CSRNP3: variants seen among roughly 807,000 people sequenced by gnomAD.
The protein encoded by CSRNP3 is cysteine/serine-rich nuclear protein 3.
A neutral mutation model predicts 48.0 loss-of-function variants in CSRNP3; 12 were observed. That is an observed-to-expected ratio of 0.25 (90% CI 0.16 to 0.41). The LOEUF is 0.41. Among genes scored for constraint, CSRNP3 ranks in the 10% least tolerant of loss-of-function variants. The probability of loss-of-function intolerance (pLI) is 1.00; values close to 1 mark genes in which losing one functional copy is unlikely to be tolerated. For synonymous variants in CSRNP3, 263 were observed against 269.7 expected (o/e 0.98, Z 0.24); for missense variants, 580 against 724.4 (o/e 0.80, Z 2.29).
intron 5 of CSRNP3, among the ~76,000 whole-genome samples, chr2:165,667,545 T>C (rs1687255784): frequency 6.6e-6 from 1 of 152,204 alleles, no homozygotes; most frequent in African/African-American, 2.4e-5. Flanking sequence ...TCAAGCTGTT[T>C]CATTGCCTCA....
intron 4 of CSRNP3, among the ~76,000 whole-genome samples, chr2:165,626,047 AC>A (rs1686429292): frequency 6.6e-6 from 1 of 151,744 alleles, no homozygotes; most frequent in Non-Finnish European, 1.5e-5. Context: ...ACCTGGTGAA[AC>A]CCTGTCTCTC....
At chr2:165,616,667 T>C (rs111513681) in intron 4 of CSRNP3, among the ~76,000 whole-genome samples, 3,451 of 152,316 alleles carry the variant, frequency 0.023, 140 homozygotes, top group African/African-American at 0.078. Flanking sequence ...GATGCTTTTC[T>C]GTTACTGTTT....
chr2:165,610,193 C>G (rs1456252203), intron 4 of CSRNP3, among the ~76,000 whole-genome samples: 1 of 152,192 alleles, frequency 6.6e-6, no homozygotes, highest in African/African-American at 2.4e-5. Flanking sequence ...CTACGTTAGT[C>G]TGACTGTGGG....
intron 2 of CSRNP3, among the ~76,000 whole-genome samples, chr2:165,498,589 A>G (rs902465825): frequency 6.6e-6 from 1 of 152,116 alleles, no homozygotes. Context: ...TTCCCAACAA[A>G]CTTCATTTAA....
At chr2:165,664,456 C>T (rs2105351326) in intron 5 of CSRNP3, among the ~76,000 whole-genome samples, 1 of 152,272 alleles carries the variant, frequency 6.6e-6, no homozygotes, top group East Asian at 1.9e-4. Context: ...CGAATTCTGC[C>T]CCATAAGTAC....
intron 4 of CSRNP3, among the ~76,000 whole-genome samples, chr2:165,604,069 A>G (rs1057291025): frequency 7.2e-5 from 11 of 152,224 alleles, no homozygotes; most frequent in African/African-American, 2.4e-4. Flanking sequence ...TCAATGAATG[A>G]GTGAATGGAT....
At chr2:165,578,098 A>T (rs972554617) in intron 3 of CSRNP3, among the ~76,000 whole-genome samples, 4 of 152,196 alleles carry the variant, frequency 2.6e-5, no homozygotes, top group East Asian at 1.9e-4. Context: ...AGTCTCTAAC[A>T]GGTATACAAA....
chr2:165,492,867 A>G (rs1684236637), intron 1 of CSRNP3, among the ~76,000 whole-genome samples: 1 of 151,464 alleles, frequency 6.6e-6, no homozygotes, highest in South Asian at 2.1e-4. Flanking sequence ...CCTTAAACAA[A>G]TGACAGACAA....
At chr2:165,562,495 A>G (rs1257773378) in intron 3 of CSRNP3, among the ~76,000 whole-genome samples, 1 of 152,210 alleles carries the variant, frequency 6.6e-6, no homozygotes, top group East Asian at 1.9e-4. Context: ...TGTATGCAGT[A>G]TCTCCAGCTT....
intron 3 of CSRNP3, among the ~76,000 whole-genome samples, chr2:165,562,095 GT>G (rs750914134): frequency 4.6e-5 from 7 of 152,090 alleles, no homozygotes; most frequent in East Asian, 1.9e-4. Flanking sequence ...ATGTAAAAAT[GT>G]TTACAAAGGG....
chr2:165,531,131 C>T (rs1684806584), intron 3 of CSRNP3, among the ~76,000 whole-genome samples: 1 of 151,974 alleles, frequency 6.6e-6, no homozygotes, highest in South Asian at 2.1e-4. Context: ...TTTTAGACAG[C>T]TATCTGTATG....
intron 5 of CSRNP3, among the ~76,000 whole-genome samples, chr2:165,668,539 C>T (rs1558968952): frequency 6.6e-6 from 1 of 151,678 alleles, no homozygotes; most frequent in Non-Finnish European, 1.5e-5. Flanking sequence ...ATACCTGGGA[C>T]TGCAGGTGCC....
At chr2:165,547,693 A>G (rs2105257560) in intron 3 of CSRNP3, among the ~76,000 whole-genome samples, 1 of 152,234 alleles carries the variant, frequency 6.6e-6, no homozygotes, top group Non-Finnish European at 1.5e-5. Flanking sequence ...AGGAAATAAG[A>G]GTATATTTGT....
chr2:165,601,800 A>G (rs1319728409), intron 4 of CSRNP3, among the ~76,000 whole-genome samples: 1 of 152,146 alleles, frequency 6.6e-6, no homozygotes, highest in African/African-American at 2.4e-5. Context: ...ACATTTCATA[A>G]TGGGATTAGA....
At position 165,484,100 on chromosome 2, in the gene CSRNP3, C is replaced by A. The variant is rs1392437113; in HGVS notation, c.-282-10659C>A. Among the ~76,000 whole-genome samples, 9 of 152,000 alleles carry A rather than the reference C, an allele frequency of 5.9e-5. No individual in the cohort carries two copies. In the East Asian group the frequency reaches 1.7e-3, roughly 29 times the overall value. On this transcript the variant is annotated intron_variant, in intron 1 of 6. Coordinates refer to ENST00000651982, the MANE Select transcript of CSRNP3 (RefSeq NM_001172173.2). ...AATAATGCAACAATTCCCATTAGAG[C>A]TATTTTATTTTATTTTATTATTTTT... is the stretch of plus-strand genomic sequence containing the variant.
chr2:165,676,491 G>C lies in CSRNP3; in HGVS notation c.588G>C (p.Val196=). 6.2e-7 allele frequency: 1 copy of C among 1,614,178 alleles called. No homozygotes were observed. The highest frequency in any genetic ancestry group is 8.5e-7 in the Non-Finnish European group (1 of 1,179,998). The change falls in exon 6 of 7, where the codon GTG becomes GTC. Residue 196 remains valine (V), a synonymous_variant. Coordinates refer to ENST00000651982, the MANE Select transcript of CSRNP3 (RefSeq NM_001172173.2). ...CCTCTGGAGTGAAAAAGATTGACGTGGAAGAAAAGCACGAACTCCGAGCCA... is the reference window on the plus strand; with the variant it reads ...CCTCTGGAGTGAAAAAGATTGACGTCGAAGAAAAGCACGAACTCCGAGCCA... ...LRASGVKKID[V]EEKHELRAIR...
At chr2:165,493,672 C>T (rs564687101) in intron 1 of CSRNP3, among the ~76,000 whole-genome samples, 5 of 152,172 alleles carry the variant, frequency 3.3e-5, no homozygotes, top group African/African-American at 1.2e-4. Context: ...CAAGTAACAG[C>T]TTCACCCTTT....
intron 4 of CSRNP3, among the ~76,000 whole-genome samples, chr2:165,616,061 C>G (rs531290877): frequency 2.2e-4 from 33 of 151,980 alleles, no homozygotes; most frequent in Non-Finnish European, 4.0e-4. Context: ...CTTTGTGTAT[C>G]TTTACAGATG....
intron 3 of CSRNP3, among the ~76,000 whole-genome samples, chr2:165,541,069 C>T (rs1220244107): frequency 3.3e-5 from 5 of 151,826 alleles, no homozygotes; most frequent in Admixed American, 2.0e-4. Flanking sequence ...TTTTATATAC[C>T]ACCAAACAAT....
Sources: gnomAD v4.1 joint callset for allele counts (sites outside exome capture counted in the v4.1 genomes callset) on GRCh38, gnomAD v4.1.1 for gene constraint, MANE v1.5 for transcripts, NCBI Gene and HGNC (gene_info 2026-07-23, HGNC 2026-07-21) for gene names.